FBXL7: variants seen among roughly 807,000 people sequenced by gnomAD.
FBXL7 encodes the protein F-box and leucine rich repeat protein 7, also known as F-box/LRR-repeat protein 7.
A neutral mutation model predicts 38.3 loss-of-function variants in FBXL7; 12 were observed. The ratio of observed to expected loss-of-function variants is 0.31; its 90% confidence interval spans 0.20 to 0.51. The LOEUF (loss-of-function observed/expected upper bound fraction) is 0.51. Ranked by LOEUF, FBXL7 falls within the 20% of genes least tolerant of loss-of-function variation. FBXL7 has a pLI of 0.98. For synonymous variants in FBXL7, 297 were observed against 300.9 expected, an observed-to-expected ratio of 0.99 and a Z score of 0.13; for missense variants, 567 against 676.4, an observed-to-expected ratio of 0.84 and a Z score of 1.79.
intron 2 of FBXL7, among the ~76,000 whole-genome samples, chr5:15,814,561 T>TA (rs1288317286): frequency 4.6e-5 from 7 of 152,048 alleles, no homozygotes; most frequent in Non-Finnish European, 1.0e-4. Context: ...TCCCAGAACT[T>TA]AAAGTATATA....
intron 2 of FBXL7, among the ~76,000 whole-genome samples, chr5:15,657,937 A>G (rs986742518): frequency 1.3e-5 from 2 of 152,154 alleles, no homozygotes; most frequent in Admixed American, 6.5e-5. Context: ...TCCACTTTAT[A>G]AATTCTGCCT....
chr5:15,652,903 A>T (rs1290082237), intron 2 of FBXL7, among the ~76,000 whole-genome samples: 1 of 152,238 alleles, frequency 6.6e-6, no homozygotes, highest in Admixed American at 6.5e-5. Context: ...AACACAAAGG[A>T]TAAATGCATG....
At position 15,811,626 on chromosome 5, in the gene FBXL7, G is replaced by T. The variant is rs1166288988; in HGVS notation, c.128-116264G>T. ...AATTCAGCCAATAACAGTGTTCCAT[G>T]CTTAAACAAATTTACGAGAAAAAAA... On this transcript the variant is annotated intron_variant, in intron 2 of 3. Coordinates refer to ENST00000504595, the MANE Select transcript of FBXL7 (RefSeq NM_012304.5). 2.0e-5 allele frequency among the ~76,000 whole-genome samples: 3 copies of T among 151,954 alleles called. No individual in the cohort carries two copies. The East Asian group carries it at 5.8e-4, about 29-fold the overall frequency.
intron 1 of FBXL7, chr5:15,501,345 GT>G (rs979076007): frequency 2.3e-6 from 2 of 865,144 alleles, no homozygotes; most frequent in African/African-American, 3.6e-5. Flanking sequence ...GAACTTGGAA[GT>G]TAGGGAAACT....
At chr5:15,760,679 G>T (rs1182143591) in intron 2 of FBXL7, among the ~76,000 whole-genome samples, 1 of 152,148 alleles carries the variant, frequency 6.6e-6, no homozygotes, top group African/African-American at 2.4e-5. Flanking sequence ...ATCCCCTGGA[G>T]TCATGGGTTA....
intron 1 of FBXL7, among the ~76,000 whole-genome samples, chr5:15,575,212 C>G (rs568038509): frequency 1.3e-5 from 2 of 151,116 alleles, no homozygotes; most frequent in Non-Finnish European, 3.0e-5. Context: ...CATTTTGTTT[C>G]TTTCAACCTG....
intron 2 of FBXL7, among the ~76,000 whole-genome samples, chr5:15,673,649 CAG>C (rs1180089319): frequency 6.6e-6 from 1 of 152,170 alleles, no homozygotes; most frequent in Non-Finnish European, 1.5e-5. Flanking sequence ...GGATTGTCTT[CAG>C]AGTCTCTAAG....
At chr5:15,599,426 T>A (rs541530083) in intron 1 of FBXL7, among the ~76,000 whole-genome samples, 1 of 152,296 alleles carries the variant, frequency 6.6e-6, no homozygotes, top group Non-Finnish European at 1.5e-5. Context: ...ACAGAAAATT[T>A]CAATTTAGGA....
At chr5:15,716,083 A>G (rs1297286086) in intron 2 of FBXL7, among the ~76,000 whole-genome samples, 1 of 152,198 alleles carries the variant, frequency 6.6e-6, no homozygotes, top group East Asian at 1.9e-4. Context: ...TACTTCTCAT[A>G]AAAGTATATT....
chr5:15,759,387 A>G (rs570997974), intron 2 of FBXL7, among the ~76,000 whole-genome samples: 36 of 152,306 alleles, frequency 2.4e-4, no homozygotes, highest in African/African-American at 7.5e-4. Flanking sequence ...AAAGAGGATT[A>G]TGATAATGAA....
chr5:15,760,080 T>C (rs896664651), intron 2 of FBXL7, among the ~76,000 whole-genome samples: 1 of 152,158 alleles, frequency 6.6e-6, no homozygotes, highest in African/African-American at 2.4e-5. Context: ...TTAATCCTTG[T>C]TTTTTTGTTA....
At chr5:15,697,862 T>C (rs576344138) in intron 2 of FBXL7, among the ~76,000 whole-genome samples, 5 of 152,232 alleles carry the variant, frequency 3.3e-5, no homozygotes, top group Non-Finnish European at 7.3e-5. Context: ...AACCAACCAG[T>C]ATCCTAGAGC....
chr5:15,733,922 C>G (rs13165952), intron 2 of FBXL7, among the ~76,000 whole-genome samples: 2 of 152,122 alleles, frequency 1.3e-5, no homozygotes, highest in Admixed American at 1.3e-4. Flanking sequence ...GCCTGGCCAA[C>G]ATGGTGAAAC....
chr5:15,932,165 G>A (rs1742053421), intron 3 of FBXL7, among the ~76,000 whole-genome samples: 1 of 152,220 alleles, frequency 6.6e-6, no homozygotes. Flanking sequence ...TTAGGAAGCT[G>A]CAGTGCAACA....
chr5:15,533,762 G>C (rs1008308071), intron 1 of FBXL7, among the ~76,000 whole-genome samples: 1 of 152,126 alleles, frequency 6.6e-6, no homozygotes, highest in African/African-American at 2.4e-5. Flanking sequence ...TATGATTAAT[G>C]CTTGATGTGG....
At chr5:15,514,021 A>G (rs1324117247) in intron 1 of FBXL7, among the ~76,000 whole-genome samples, 2 of 152,156 alleles carry the variant, frequency 1.3e-5, no homozygotes, top group East Asian at 1.9e-4. Context: ...AGCCATAACA[A>G]CATGAACTGA....
At chr5:15,867,707 G>C (rs1739774430) in intron 2 of FBXL7, among the ~76,000 whole-genome samples, 1 of 152,162 alleles carries the variant, frequency 6.6e-6, no homozygotes, top group African/African-American at 2.4e-5. Flanking sequence ...GATCACCTGG[G>C]TGCTTAAAGT....
chr5:15,587,259 T>C (rs1739334259), intron 1 of FBXL7, among the ~76,000 whole-genome samples: 1 of 152,172 alleles, frequency 6.6e-6, no homozygotes. Flanking sequence ...GATCAGGGCC[T>C]TTTTGTATTT....
rs142124648 is a variant in FBXL7, at chr5:15,611,145, C to T, written c.38-4838C>T. On this transcript the variant is annotated intron_variant, in intron 1 of 3. Transcript: ENST00000504595. ...AAATTTATGTAATCACCAAATTAAT[C>T]CTTGAGGCACTTTTAGGGTCACTCA... 7.7e-3 allele frequency among the ~76,000 whole-genome samples: 1,167 copies of T among 152,208 alleles called. 57 individuals are homozygous for T. Among genetic ancestry groups the T allele is most frequent in the Admixed American group, 0.065 (986 of 15,268 alleles).
Sources: allele counts gnomAD v4.1 joint callset (sites outside exome capture counted in the v4.1 genomes callset), GRCh38; gene constraint gnomAD v4.1.1; transcripts MANE v1.5; gene names NCBI Gene and HGNC (gene_info 2026-07-23, HGNC 2026-07-21).